The following FBXO27 variants were observed in gnomAD, a reference collection of about 807,000 sequenced individuals.
FBXO27 encodes F-box only protein 27.
A neutral mutation model predicts 28.3 loss-of-function variants in FBXO27; 28 were observed. That is an observed-to-expected ratio of 0.99 (90% CI 0.73 to 1.36). FBXO27 has a LOEUF of 1.36. Ranked by LOEUF, FBXO27 falls within the 40% of genes most tolerant of loss-of-function variation. FBXO27 has a pLI of 0.00. For synonymous variants in FBXO27, 175 were observed against 167.3 expected, an observed-to-expected ratio of 1.05 and a Z score of -0.36; for missense variants, 388 against 394.1, an observed-to-expected ratio of 0.98 and a Z score of 0.13.
intron 1 of FBXO27, among the ~76,000 whole-genome samples, chr19:39,018,918 A>G (rs2072831682): frequency 6.6e-6 from 1 of 151,604 alleles, no homozygotes; most frequent in South Asian, 2.1e-4. Context: ...AAAATACAAA[A>G]ATGAACTGGG....
At position 39,031,239 on chromosome 19, in the gene FBXO27, G is replaced by A. The variant is rs934686950; in HGVS notation, c.446C>T (p.Pro149Leu). 1 of 1,614,134 alleles carries A rather than the reference G, an allele frequency of 6.2e-7. No individual in the cohort carries two copies. Among genetic ancestry groups the A allele is most frequent in the East Asian group, 2.2e-5 (1 of 44,874 alleles). Residue 149 changes from proline (P) to leucine (L), a missense_variant, in exon 3 of 6, where the codon CCT becomes CTT. Pro to Leu is a moderately conservative substitution (Grantham distance 98). Coordinates refer to ENST00000292853, the MANE Select transcript of FBXO27 (RefSeq NM_178820.5). ...EENRTTVPGAPSQTCFVTSFS... is the reference protein window; with the variant it reads ...EENRTTVPGALSQTCFVTSFS... ...TGAAGTCACGAAGCACGTCTGAGAAGGGGCCCCAGGCACGGTTGTCCTGTT... is the reference window on the plus strand; with the variant it reads ...TGAAGTCACGAAGCACGTCTGAGAAAGGGCCCCAGGCACGGTTGTCCTGTT...
At position 39,031,059 on chromosome 19, in the gene FBXO27, C is replaced by T. The variant is rs2072899297; in HGVS notation, c.542G>A (p.Ser181Asn). Residue 181 changes from serine (S) to asparagine (N), a missense_variant, in exon 4 of 6, where the codon AGT becomes AAT. Physicochemically the swap from Ser to Asn is conservative, Grantham distance 46 (BLOSUM62 1). Coordinates refer to ENST00000292853, the MANE Select transcript of FBXO27 (RefSeq NM_178820.5). ...AGAGACACAAATCTCAATCCTGCCA[C>T]TATCCAGCAGTTCTGGCCACAGACC... The part of the protein sequence containing the change: ...EEGLWPELLD[S>N]GRIEICVSDW... 1 of 1,614,148 alleles carries T rather than the reference C, an allele frequency of 6.2e-7. No homozygotes were observed. Among genetic ancestry groups the T allele is most frequent in the South Asian group, 1.1e-5 (1 of 91,078 alleles).
At chr19:39,025,861 A>C (rs1397161025) in intron 5 of FBXO27, among the ~76,000 whole-genome samples, 2 of 152,012 alleles carry the variant, frequency 1.3e-5, no homozygotes, top group Non-Finnish European at 2.9e-5. Flanking sequence ...CTAAAAATAC[A>C]AAAAATATTA....
At chr19:39,019,068 CAAAA>C (rs71167615), downstream of FBXO27, among the ~76,000 whole-genome samples, 14 of 124,438 alleles carry the variant, frequency 1.1e-4, no homozygotes, top group Non-Finnish European at 9.9e-5. Flanking sequence ...GACTCTATCA[CAAAA>C]AAAAAAAAAA....
At chr19:39,008,565 C>T (rs146928713) in intron 2 of FBXO27, among the ~76,000 whole-genome samples, 234 of 152,172 alleles carry the variant, frequency 1.5e-3, no homozygotes, top group African/African-American at 5.4e-3. Context: ...CAGTGGTTTT[C>T]GGTACATTCA....
intron 2 of FBXO27, among the ~76,000 whole-genome samples, chr19:39,014,016 A>T (rs1212641519): frequency 2.0e-5 from 3 of 152,086 alleles, no homozygotes; most frequent in African/African-American, 7.2e-5. Context: ...CCGTCTCAAA[A>T]AACAAAAAGA....
Position 39,025,321 on chromosome 19 carries a change from G to A in FBXO27, c.*90C>T. On this transcript the variant is annotated 3_prime_UTR_variant, in exon 6 of 6. Coordinates refer to ENST00000292853, the MANE Select transcript of FBXO27 (RefSeq NM_178820.5). ...TTCTCAGTATGCCAGGGAGGTACAA[G>A]TGCTTGGTTGGTTAATGAGGGGTCC... The A allele has an allele frequency of 1.3e-6, 2 of 1,495,404 alleles. No homozygotes were observed. Among genetic ancestry groups the A allele is most frequent in the Non-Finnish European group, 1.8e-6 (2 of 1,110,286 alleles). 92.6% of individuals were successfully genotyped at this position (1,495,404 alleles called of 1,614,324 possible).
chr19:39,022,268 G>A (rs1295874158), downstream of FBXO27, among the ~76,000 whole-genome samples: 1 of 148,332 alleles, frequency 6.7e-6, no homozygotes, highest in East Asian at 2.0e-4. Context: ...TCAAGTAGCT[G>A]AGACTACAGG....
At position 39,032,543 on chromosome 19, in the gene FBXO27, G is replaced by T; in HGVS notation, c.-67C>A. On this transcript the variant is annotated 5_prime_UTR_variant, in exon 1 of 6. Coordinates refer to ENST00000292853, the MANE Select transcript of FBXO27 (RefSeq NM_178820.5). The surrounding 1 kb of genome is among the most constrained non-coding windows in gnomAD (Gnocchi z 4.7). ...CGCTCCTCGCCGGGATGCCCTAGCTGTGCCGCAAGCTCCCCACGCCCCTCT... is the reference window on the plus strand; with the variant it reads ...CGCTCCTCGCCGGGATGCCCTAGCTTTGCCGCAAGCTCCCCACGCCCCTCT... 3.2e-6 allele frequency: 1 copy of T among 311,346 alleles called. No homozygotes were observed. The highest frequency in any genetic ancestry group is 5.9e-6 in the Non-Finnish European group (1 of 169,428). 19.3% of individuals were successfully genotyped at this position (311,346 alleles called of 1,614,324 possible).
intron 2 of FBXO27, among the ~76,000 whole-genome samples, chr19:39,012,245 C>T (rs556716822): frequency 2.8e-4 from 41 of 147,750 alleles, no homozygotes; most frequent in Admixed American, 1.8e-3. Flanking sequence ...AGTGCAATGG[C>T]GTGATCTTTG....
intron 2 of FBXO27, among the ~76,000 whole-genome samples, chr19:39,008,859 C>T (rs948691487): frequency 2.0e-5 from 3 of 152,130 alleles, no homozygotes; most frequent in Non-Finnish European, 2.9e-5. Flanking sequence ...CTCGCTCCAT[C>T]GCCCAGGCTG....
chr19:39,009,365 C>T (rs747992516), intron 2 of FBXO27, among the ~76,000 whole-genome samples: 57 of 152,322 alleles, frequency 3.7e-4, no homozygotes, highest in Non-Finnish European at 5.1e-4. Flanking sequence ...GAAGAAATGA[C>T]AAACGGCTTT....
At position 39,024,427 on chromosome 19, in the gene FBXO27, A is replaced by G. The variant is rs2072860907; in HGVS notation, c.*984T>C. Reference sequence around the variant, plus strand: ...TTTGTAGCGATGGGGGTCTTACTACATTGCCCAGGCTGGTCTTGAACTCTG... The same window carrying G: ...TTTGTAGCGATGGGGGTCTTACTACGTTGCCCAGGCTGGTCTTGAACTCTG... On this transcript the variant is annotated 3_prime_UTR_variant, in exon 6 of 6. Coordinates refer to ENST00000292853, the MANE Select transcript of FBXO27 (RefSeq NM_178820.5). 6.6e-6 allele frequency: 1 copy of G among 152,026 alleles called. No homozygotes were observed. Among genetic ancestry groups the G allele is most frequent in the Non-Finnish European group, 1.5e-5 (1 of 68,136 alleles). The allele number at this position is 152,026 out of a possible 1,614,324, so 9.4% of individuals were successfully genotyped here.
At chr19:39,009,460 C>CT (rs1296405341) in intron 2 of FBXO27, among the ~76,000 whole-genome samples, 1 of 152,056 alleles carries the variant, frequency 6.6e-6, no homozygotes, top group Non-Finnish European at 1.5e-5. Flanking sequence ...CTGTTTTCTT[C>CT]TTTTTTTCTT....
chr19:39,010,747 A>G (rs949290284), intron 2 of FBXO27, among the ~76,000 whole-genome samples: 2 of 152,240 alleles, frequency 1.3e-5, no homozygotes, highest in African/African-American at 4.8e-5. Context: ...GTAGATATAA[A>G]TGACTGCAAA....
At position 39,031,908 on chromosome 19, in the gene FBXO27, C is replaced by T; in HGVS notation, c.320G>A (p.Arg107His). 1.3e-6 allele frequency: 2 copies of T among 1,501,528 alleles called. No individual in the cohort carries two copies. The allele number at this position is 1,501,528 out of a possible 1,614,324, so 93.0% of individuals were successfully genotyped here. A position where few individuals can be genotyped will look rare whatever the true frequency, so the allele number is the denominator to read the frequency against. Residue 107 changes from arginine (R) to histidine (H), a missense_variant, in exon 2 of 6, where the codon CGC becomes CAC. Transcript: ENST00000292853. Reference sequence around the variant, plus strand: ...AATAAGGTTGCGTCCGATGGGTCTGCGCGCGCAGAAGCGGCCCAGGGGGCA... The same window carrying T: ...AATAAGGTTGCGTCCGATGGGTCTGTGCGCGCAGAAGCGGCCCAGGGGGCA... ...RPCPLGRFCA[R>H]RPIGRNLIRN...
chr19:39,030,663 G>T, intron 4 of FBXO27: 1 of 235,414 alleles, frequency 4.2e-6, no homozygotes, highest in Admixed American at 5.1e-5. Context: ...CTGTCGTCCA[G>T]GCTGGAGTGT....
At chr19:39,031,813 A>G in intron 2 of FBXO27, 51 bp downstream of exon 2, 1 of 1,422,868 alleles carries the variant, frequency 7.0e-7, no homozygotes, top group Non-Finnish European at 9.1e-7. Flanking sequence ...CGGCCCCGCT[A>G]CCGCTCCCAC....
intron 2 of FBXO27, 32 bp from the exon 3 acceptor site, chr19:39,031,352 C>G (rs1224562518): frequency 7.5e-6 from 12 of 1,607,188 alleles, no homozygotes; most frequent in Non-Finnish European, 1.0e-5. Flanking sequence ...TGCCCAAGTT[C>G]CAGTCGCCCG....
Sources: allele counts gnomAD v4.1 joint callset (sites outside exome capture counted in the v4.1 genomes callset), GRCh38; gene constraint gnomAD v4.1.1; non-coding constraint Gnocchi (gnomAD v3.1); transcripts MANE v1.5; gene names NCBI Gene and HGNC (gene_info 2026-07-23, HGNC 2026-07-21).